The following TTLL13 variants were observed in gnomAD, a reference collection of about 807,000 sequenced individuals.
TTLL13 encodes tubulin tyrosine ligase like 13.
the TTLL13 span, chr15:90,256,353 C>A: frequency 6.2e-7 from 1 of 1,606,584 alleles, no homozygotes; most frequent in South Asian, 1.1e-5. Context: ...TGGGCTGCCT[C>A]ATCTCTCCCA....
the TTLL13 span, among the ~76,000 whole-genome samples, chr15:90,256,919 C>T: frequency 1.3e-5 from 2 of 152,208 alleles, no homozygotes; most frequent in South Asian, 4.2e-4. Context: ...AACTCCTGAA[C>T]TCGTGATCCA....
the TTLL13 span, chr15:90,265,343 C>G: frequency 1.6e-6 from 2 of 1,223,382 alleles, no homozygotes; most frequent in Non-Finnish European, 2.0e-6. Context: ...ACTGGGCTGT[C>G]GCCGTCAGAA....
the TTLL13 span, among the ~76,000 whole-genome samples, chr15:90,254,811 A>C: frequency 4.9e-4 from 74 of 152,224 alleles, no homozygotes; most frequent in African/African-American, 1.3e-3. Context: ...ACACCACTGC[A>C]CTCCAGCCTG....
chr15:90,265,414 C>T, the TTLL13 span: 3 of 1,276,852 alleles, frequency 2.3e-6, no homozygotes, highest in Non-Finnish European at 3.0e-6. Context: ...TGGGCAGCCG[C>T]TGGGGCGGAG....
chr15:90,255,964 A>C, the TTLL13 span: 28 of 1,603,894 alleles, frequency 1.7e-5, 1 homozygote, highest in South Asian at 1.8e-4. Flanking sequence ...CTTGTGACCT[A>C]GGAATGTCTC....
chr15:90,257,946 A>G, the TTLL13 span: 2 of 1,251,644 alleles, frequency 1.6e-6, no homozygotes, highest in South Asian at 1.4e-5. Context: ...AAGCCCGGGC[A>G]TGCAATTAGC....
At chr15:90,250,622 T>C in the TTLL13 span, 2 of 1,611,092 alleles carry the variant, frequency 1.2e-6, no homozygotes. Context: ...CCCCTCAGAA[T>C]CTGAGAGAAT....
the TTLL13 span, among the ~76,000 whole-genome samples, chr15:90,261,520 C>T: frequency 2.0e-5 from 3 of 151,754 alleles, no homozygotes; most frequent in East Asian, 1.9e-4. Flanking sequence ...AGGCCGAGTA[C>T]GGTGGCTCAC....
the TTLL13 span, chr15:90,258,882 T>C: frequency 4.3e-6 from 7 of 1,613,854 alleles, no homozygotes; most frequent in Admixed American, 1.2e-4. Flanking sequence ...AAGCGGCGAG[T>C]CAAGGAACGG....
chr15:90,262,081 C>A, the TTLL13 span: 213 of 1,535,948 alleles, frequency 1.4e-4, no homozygotes, highest in Non-Finnish European at 1.8e-4. Context: ...TGGGAAAATA[C>A]CGGCGGATCT....
At chr15:90,250,873 A>G in the TTLL13 span, 12 of 1,613,766 alleles carry the variant, frequency 7.4e-6, no homozygotes, top group Admixed American at 1.7e-4. Context: ...GGAGGAAGAG[A>G]AGGCGGAAAC....
the TTLL13 span, chr15:90,259,154 A>G: frequency 4.5e-6 from 4 of 882,598 alleles, no homozygotes; most frequent in South Asian, 5.3e-5. Context: ...CTTGAGCCCT[A>G]GAGTTCAACA....
At chr15:90,250,532 C>T in the TTLL13 span, 4 of 1,423,366 alleles carry the variant, frequency 2.8e-6, no homozygotes, top group Non-Finnish European at 3.8e-6. Flanking sequence ...GCATGAAGGT[C>T]GTTCTGGTGG....
At chr15:90,259,057 A>G in the TTLL13 span, 38 of 1,510,746 alleles carry the variant, frequency 2.5e-5, no homozygotes, top group Non-Finnish European at 2.2e-5. Flanking sequence ...TAATATGTTC[A>G]TATTTGCATT....
the TTLL13 span, chr15:90,258,739 G>A: frequency 1.2e-6 from 2 of 1,613,784 alleles, no homozygotes; most frequent in Non-Finnish European, 1.7e-6. Context: ...ACTCCTCCTG[G>A]CAGGTAAACC....
At chr15:90,265,406 G>C in the TTLL13 span, 1 of 1,267,650 alleles carries the variant, frequency 7.9e-7, no homozygotes. Context: ...GGCAGGCCTG[G>C]GCAGCCGCTG....
At chr15:90,251,433 C>G in the TTLL13 span, 1 of 1,062,664 alleles carries the variant, frequency 9.4e-7, no homozygotes, top group East Asian at 2.5e-5. Context: ...CCATCCTGGT[C>G]TGTCTTTTAA....
chr15:90,254,491 T>C, the TTLL13 span, among the ~76,000 whole-genome samples: 1 of 84,242 alleles, frequency 1.2e-5, no homozygotes, highest in Non-Finnish European at 2.3e-5. Context: ...AGACTCCATC[T>C]AAAAAAAAAA....
the TTLL13 span, chr15:90,259,037 T>A: frequency 6.4e-7 from 1 of 1,573,688 alleles, no homozygotes; most frequent in Admixed American, 1.8e-5. Flanking sequence ...AAAACAACTT[T>A]TTGCATAGAT....
Sources: allele counts gnomAD v4.1 joint callset (sites outside exome capture counted in the v4.1 genomes callset), GRCh38; gene constraint gnomAD v4.1.1; transcripts MANE v1.5; gene names NCBI Gene and HGNC (gene_info 2026-07-23, HGNC 2026-07-21).